ADGRV1: variants seen among roughly 807,000 people sequenced by gnomAD.
The protein encoded by ADGRV1 is G-protein coupled receptor 98.
ADGRV1 carries 359 observed loss-of-function variants against 596.2 expected under a neutral mutation model. The observed-to-expected ratio is 0.60, with a 90% CI of 0.55 to 0.66. The LOEUF (loss-of-function observed/expected upper bound fraction) is 0.66. Among genes scored for constraint, ADGRV1 ranks in the 30% least tolerant of loss-of-function variants. ADGRV1 has a pLI of 0.00. For synonymous variants in ADGRV1, 2,681 were observed against 2,679.2 expected (o/e 1.00, Z -0.02); for missense variants, 7,274 against 7,575.6 (o/e 0.96, Z 1.48).
chr5:90,805,194 A>T (rs1761785813), intron 71 of ADGRV1, 90 bp from the exon 72 acceptor site: 11 of 1,060,926 alleles, frequency 1.0e-5, no homozygotes, highest in South Asian at 1.8e-5. Flanking sequence ...ATATTGTATA[A>T]ACCAAGGGAA....
chr5:90,928,655 C>A (rs200408106), intron 83 of ADGRV1, among the ~76,000 whole-genome samples: 4,653 of 150,472 alleles, frequency 0.031, 140 homozygotes, highest in East Asian at 0.14. Flanking sequence ...CTCCATCCAG[C>A]TTTGTTCCGT....
chr5:91,039,487 G>T (rs1004638014), intron 85 of ADGRV1, among the ~76,000 whole-genome samples: 2 of 152,194 alleles, frequency 1.3e-5, no homozygotes, highest in South Asian at 2.1e-4. Flanking sequence ...GATTGTCCAA[G>T]TTGGGTCACT....
At chr5:91,027,338 A>G (rs369817425) in intron 85 of ADGRV1, among the ~76,000 whole-genome samples, 35 of 152,304 alleles carry the variant, frequency 2.3e-4, no homozygotes, top group African/African-American at 8.2e-4. Flanking sequence ...AAAAACTTGT[A>G]GATTAAATCC....
At chr5:90,973,248 T>G (rs912730350) in intron 84 of ADGRV1, among the ~76,000 whole-genome samples, 1 of 152,132 alleles carries the variant, frequency 6.6e-6, no homozygotes, top group Non-Finnish European at 1.5e-5. Context: ...ACCAGATGGA[T>G]TCACAGTCGA....
At chr5:91,031,028 T>G in intron 85 of ADGRV1, 2 of 1,498,908 alleles carry the variant, frequency 1.3e-6, no homozygotes, top group Non-Finnish European at 1.8e-6. Context: ...TTAGAAACCT[T>G]GACAAATGCC....
intron 84 of ADGRV1, 69 bp from the exon 85 acceptor site, chr5:90,985,275 A>G (rs1161171711): frequency 8.5e-7 from 1 of 1,174,128 alleles, no homozygotes; most frequent in Non-Finnish European, 1.2e-6. Context: ...ACATTGCCTA[A>G]GCCAGTAGAG....
chr5:90,855,585 A>C (rs908067391), intron 81 of ADGRV1, among the ~76,000 whole-genome samples, 156 bp from the exon 82 acceptor site: 12 of 152,224 alleles, frequency 7.9e-5, no homozygotes, highest in African/African-American at 2.9e-4. Flanking sequence ...TGTCCTGGAC[A>C]AGATGTTCCC....
chr5:90,760,995 A>G (rs1313158094), intron 58 of ADGRV1, among the ~76,000 whole-genome samples: 1 of 152,204 alleles, frequency 6.6e-6, no homozygotes, highest in African/African-American at 2.4e-5. Flanking sequence ...GATAATCCCC[A>G]TATACTCAGC....
At chr5:90,663,579 GGTAGT>G (rs1238267608) in intron 21 of ADGRV1, among the ~76,000 whole-genome samples, 1 of 152,032 alleles carries the variant, frequency 6.6e-6, no homozygotes, top group Non-Finnish European at 1.5e-5. Context: ...TCACTCTGAT[GGTAGT>G]TTCTTTTGCT....
intron 73 of ADGRV1, 120 bp from the exon 74 acceptor site, chr5:90,810,113 C>T (rs919976011): frequency 8.4e-5 from 64 of 763,576 alleles, no homozygotes; most frequent in African/African-American, 8.1e-4. Context: ...TGAAATGGCA[C>T]GTCATTGTTA....
intron 87 of ADGRV1, among the ~76,000 whole-genome samples, chr5:91,111,186 A>AT (rs1445608321): frequency 1.3e-5 from 2 of 151,952 alleles, no homozygotes; most frequent in Non-Finnish European, 2.9e-5. Context: ...CACATAAAAC[A>AT]TTTCTCTTAT....
chr5:91,099,004 A>G (rs538001655), intron 86 of ADGRV1, among the ~76,000 whole-genome samples: 2 of 152,356 alleles, frequency 1.3e-5, no homozygotes, highest in East Asian at 3.9e-4. Flanking sequence ...TGTCAGAAGT[A>G]AAAATGAGCC....
intron 77 of ADGRV1, among the ~76,000 whole-genome samples, chr5:90,834,013 A>G (rs1232360451): frequency 2.6e-5 from 4 of 152,168 alleles, no homozygotes; most frequent in Middle Eastern, 3.2e-3. Flanking sequence ...CAAAGAGGAA[A>G]CGAATAAAAA....
At chr5:91,145,842 G>A (rs911608047) in intron 87 of ADGRV1, among the ~76,000 whole-genome samples, 1 of 152,204 alleles carries the variant, frequency 6.6e-6, no homozygotes, top group Admixed American at 6.5e-5. Context: ...AATTATAATA[G>A]TATTCCAGAA....
intron 87 of ADGRV1, among the ~76,000 whole-genome samples, chr5:91,141,535 A>G (rs1390679196): frequency 6.6e-6 from 1 of 152,226 alleles, no homozygotes; most frequent in Non-Finnish European, 1.5e-5. Context: ...CAACAAAAGC[A>G]ATATTGTAAA....
chr5:90,897,599 A>T (rs1480869447), intron 83 of ADGRV1, among the ~76,000 whole-genome samples: 1 of 152,180 alleles, frequency 6.6e-6, no homozygotes, highest in African/African-American at 2.4e-5. Flanking sequence ...TACTCTTTGG[A>T]CAAAGTACTC....
At chr5:91,103,992 G>A (rs768013312) in intron 87 of ADGRV1, among the ~76,000 whole-genome samples, 5 of 152,158 alleles carry the variant, frequency 3.3e-5, no homozygotes, top group South Asian at 2.1e-4. Context: ...TTTAAACGCC[G>A]GCTTTCCATG....
In ADGRV1 at chr5:90,684,176, G is replaced by A. The variant is rs768812855; in HGVS notation, c.6255G>A (p.Ala2085=). ...AACTACTCAACTCTACTTTAGTAGC[G>A]AAAGTACAGAGTCGTTCAAGTAAGT... is the stretch of plus-strand genomic sequence containing the variant. ...FIELLNSTLV[A]KVQSRSIPNS... The change falls in exon 28 of 90, where the codon GCG becomes GCA. Residue 2085 remains alanine, a synonymous_variant. Coordinates refer to ENST00000405460, the MANE Select transcript of ADGRV1 (RefSeq NM_032119.4). 1.1e-5 allele frequency: 17 copies of A among 1,612,034 alleles called. No homozygotes were observed. Among genetic ancestry groups the A allele is most frequent in the East Asian group, 8.9e-5 (4 of 44,828 alleles).
chr5:90,842,407 A>G (rs1186275564), intron 78 of ADGRV1, among the ~76,000 whole-genome samples: 1 of 152,196 alleles, frequency 6.6e-6, no homozygotes, highest in Non-Finnish European at 1.5e-5. Context: ...GGGATAAAAT[A>G]TATTTTAAAT....
Sources: gnomAD v4.1 joint callset for allele counts (sites outside exome capture counted in the v4.1 genomes callset) on GRCh38, gnomAD v4.1.1 for gene constraint, MANE v1.5 for transcripts, NCBI Gene and HGNC (gene_info 2026-07-23, HGNC 2026-07-21) for gene names.